Variants in PTPRO observed in about 807,000 individuals in gnomAD.
The protein encoded by PTPRO is receptor-type tyrosine-protein phosphatase O.
PTPRO carries 62 observed loss-of-function variants against 145.2 expected under a neutral mutation model. The observed-to-expected ratio is 0.43, with a 90% confidence interval of 0.35 to 0.53. PTPRO has a LOEUF of 0.53. Among genes scored for constraint, PTPRO ranks in the 20% least tolerant of loss-of-function variants. PTPRO has a pLI of 0.01. For missense variants in PTPRO, 1,345 were observed against 1,482.7 expected (o/e 0.91, Z 1.53); for synonymous variants, 565 against 514.7 (o/e 1.10, Z -1.32).
At chr12:15,452,146 A>C (rs1326575999) in intron 1 of PTPRO, among the ~76,000 whole-genome samples, 3 of 152,304 alleles carry the variant, frequency 2.0e-5, no homozygotes, top group East Asian at 1.9e-4. Context: ...GCTCAATTAG[A>C]AACGAAAAAG....
At position 15,581,923 on chromosome 12, in the gene PTPRO, G is replaced by A. The variant is rs1037355494; in HGVS notation, c.3255+122G>A. ...TTACAGACACACACACAAAAATATC[G>A]AGTGTGGAGTGGGAAATCAGGGGTC... On this transcript the variant is annotated intron_variant, in intron 23 of 26. Coordinates refer to ENST00000281171, the MANE Select transcript of PTPRO (RefSeq NM_030667.3). 2.1e-5 allele frequency: 27 copies of A among 1,305,756 alleles called. No homozygotes were observed. In the African/African-American group the frequency reaches 2.2e-4, roughly 11 times the overall value. 80.9% of individuals were successfully genotyped at this position (1,305,756 alleles called of 1,614,324 possible). A position where few individuals can be genotyped will look rare whatever the true frequency, so the allele number is the denominator to read the frequency against.
intron 23 of PTPRO, among the ~76,000 whole-genome samples, chr12:15,585,520 T>C (rs2135661569): frequency 6.6e-6 from 1 of 152,346 alleles, no homozygotes; most frequent in East Asian, 1.9e-4. Flanking sequence ...ATAACTTATG[T>C]ATATTTAAAC....
At chr12:15,324,502 C>T (rs187118764) in intron 1 of PTPRO, among the ~76,000 whole-genome samples, 3 of 152,252 alleles carry the variant, frequency 2.0e-5, no homozygotes, top group Admixed American at 2.0e-4. Flanking sequence ...AGAGGTCCAG[C>T]CTGCTTCACA....
chr12:15,584,653 A>T (rs1275795361), intron 23 of PTPRO, among the ~76,000 whole-genome samples: 1 of 152,240 alleles, frequency 6.6e-6, no homozygotes, highest in Non-Finnish European at 1.5e-5. Context: ...GGCCATAAGC[A>T]TAATGAATCT....
At chr12:15,526,910 T>A (rs1197405886) in intron 12 of PTPRO, among the ~76,000 whole-genome samples, 1 of 151,922 alleles carries the variant, frequency 6.6e-6, no homozygotes, top group East Asian at 1.9e-4. Flanking sequence ...TTAATATAAA[T>A]TGATAACAAA....
intron 3 of PTPRO, 146 bp downstream of exon 3, chr12:15,497,549 T>C: frequency 1.1e-6 from 1 of 925,788 alleles, no homozygotes; most frequent in East Asian, 2.7e-5. Flanking sequence ...TATTGATTTA[T>C]GAAAATCGTG....
intron 1 of PTPRO, among the ~76,000 whole-genome samples, chr12:15,453,583 G>A (rs1393546889): frequency 1.3e-5 from 2 of 149,842 alleles, no homozygotes; most frequent in African/African-American, 4.9e-5. Context: ...GTTTTTTATT[G>A]TGTAAGAACA....
At chr12:15,526,302 A>C in intron 12 of PTPRO, 40 bp downstream of exon 12, 2 of 1,610,696 alleles carry the variant, frequency 1.2e-6, no homozygotes, top group Non-Finnish European at 1.7e-6. Context: ...AATAATCACT[A>C]ATGTTTGCAT....
At chr12:15,446,727 T>G (rs932293817) in intron 1 of PTPRO, among the ~76,000 whole-genome samples, 3 of 151,288 alleles carry the variant, frequency 2.0e-5, no homozygotes, top group African/African-American at 4.8e-5. Context: ...CCTTTTTTCT[T>G]AGGGTAAATA....
chr12:15,398,947 T>C (rs1939418229), intron 1 of PTPRO, among the ~76,000 whole-genome samples: 1 of 152,110 alleles, frequency 6.6e-6, no homozygotes, highest in South Asian at 2.1e-4. Flanking sequence ...CACAATGGAA[T>C]GAATTGGATA....
intron 15 of PTPRO, among the ~76,000 whole-genome samples, chr12:15,554,723 G>C (rs1291866364): frequency 6.6e-6 from 1 of 152,134 alleles, no homozygotes; most frequent in Non-Finnish European, 1.5e-5. Context: ...GGGTGGGTCT[G>C]CCTTTCCCAG....
intron 1 of PTPRO, among the ~76,000 whole-genome samples, chr12:15,411,091 G>T (rs896561533): frequency 6.6e-6 from 1 of 152,194 alleles, no homozygotes; most frequent in African/African-American, 2.4e-5. Context: ...TAAAGATAAT[G>T]AATGCTCCTT....
chr12:15,574,644 A>G (rs958523891), intron 19 of PTPRO, among the ~76,000 whole-genome samples: 1 of 152,164 alleles, frequency 6.6e-6, no homozygotes, highest in Non-Finnish European at 1.5e-5. Context: ...CCCCTTATGG[A>G]CACGTAATCT....
At chr12:15,325,888 G>C (rs997794131) in intron 1 of PTPRO, among the ~76,000 whole-genome samples, 1 of 152,132 alleles carries the variant, frequency 6.6e-6, no homozygotes, top group Non-Finnish European at 1.5e-5. Context: ...AGTGCTTGGC[G>C]TGTGTCCTTC....
chr12:15,513,131 G>GAAA, intron 7 of PTPRO, among the ~76,000 whole-genome samples: 1 of 31,664 alleles, frequency 3.2e-5, no homozygotes, highest in Admixed American at 5.4e-4. Context: ...AAGGAAGGAA[G>GAAA]GAAGGAAGGA....
At chr12:15,378,511 A>G (rs372887469) in intron 1 of PTPRO, among the ~76,000 whole-genome samples, 1 of 152,144 alleles carries the variant, frequency 6.6e-6, no homozygotes, top group South Asian at 2.1e-4. Flanking sequence ...ATGGAAACTG[A>G]ATAGACCTAT....
chr12:15,482,148 T>G (rs943920398), intron 1 of PTPRO, among the ~76,000 whole-genome samples: 1 of 145,390 alleles, frequency 6.9e-6, no homozygotes, highest in Non-Finnish European at 1.5e-5. Flanking sequence ...AAATATGGTG[T>G]GTGTGTGTGT....
At chr12:15,557,197 C>A (rs566813345) in intron 15 of PTPRO, among the ~76,000 whole-genome samples, 1 of 152,080 alleles carries the variant, frequency 6.6e-6, no homozygotes, top group Non-Finnish European at 1.5e-5. Context: ...AGTGCCACCA[C>A]GCCTAGCTAA....
rs200334215 is a variant in PTPRO at position 15,331,962 on chromosome 12, CTTTTTT to C, written c.75+9176_75+9181del. On this transcript the variant is annotated intron_variant, in intron 1 of 26. Transcript: ENST00000281171. The stretch of plus-strand genomic sequence containing the variant: ...GTATCCTTTTTGTTTCTCTTTCTTT[CTTTTTT>C]TTTTTTTTTTTTTTGACAGAGTCTT... Among the ~76,000 whole-genome samples the C allele has an allele frequency of 3.6e-3, 425 of 118,264 alleles. 4 individuals carry two copies. Among genetic ancestry groups the C allele is most frequent in the Non-Finnish European group, 5.9e-3 (332 of 56,658 alleles). 77.6% of individuals were successfully genotyped at this position (118,264 alleles called of 152,430 possible). A position where few individuals can be genotyped will look rare whatever the true frequency, so the allele number is the denominator to read the frequency against.
Sources: allele counts gnomAD v4.1 joint callset (sites outside exome capture counted in the v4.1 genomes callset), GRCh38; gene constraint gnomAD v4.1.1; transcripts MANE v1.5; gene names NCBI Gene and HGNC (gene_info 2026-07-23, HGNC 2026-07-21).